RBM47: variants seen among roughly 807,000 people sequenced by gnomAD.
RBM47 encodes RNA binding motif protein 47.
RBM47 carries 21 observed loss-of-function variants against 47.1 expected under a neutral mutation model. That is an observed-to-expected ratio of 0.45 (90% CI 0.32 to 0.64). The LOEUF (loss-of-function observed/expected upper bound fraction) is 0.64, where lower values mean the gene tolerates loss of function less well. Ranked by LOEUF, RBM47 falls within the 30% of genes least tolerant of loss-of-function variation. RBM47 has a pLI of 0.05. For synonymous variants in RBM47, 375 were observed against 361.7 expected (o/e 1.04, Z -0.42); for missense variants, 708 against 870.9 (o/e 0.81, Z 2.35).
At chr4:40,437,090 A>AAAAAAAAAAAAAAAAAAT (rs1256296949) in intron 4 of RBM47, among the ~76,000 whole-genome samples, 1 of 49,804 alleles carries the variant, frequency 2.0e-5, no homozygotes, top group Non-Finnish European at 3.3e-5. Context: ...AAAAAAAAAA[A>AAAAAAAAAAAAAAAAAAT]ATATATATAT....
chr4:40,437,156 A>G (rs1343410420), intron 4 of RBM47, among the ~76,000 whole-genome samples: 3 of 38,034 alleles, frequency 7.9e-5, no homozygotes, highest in African/African-American at 1.5e-4. Flanking sequence ...TATATAAAAT[A>G]CATATATATA....
In RBM47 at chr4:40,574,362, C is replaced by G. The variant is rs150824055; in HGVS notation, c.-239-29856G>C. ...TTTTATTTGTTTGATTCCAGAGAACCTCAGGGGACACCCGACTGAGACAAA... is the reference window on the plus strand; with the variant it reads ...TTTTATTTGTTTGATTCCAGAGAACGTCAGGGGACACCCGACTGAGACAAA... On this transcript the variant is annotated intron_variant, in intron 1 of 6. Transcript: ENST00000295971. 2.9e-3 allele frequency among the ~76,000 whole-genome samples: 436 copies of G among 152,254 alleles called. 3 individuals are homozygous for G. The highest frequency in any genetic ancestry group is 9.9e-3 in the African/African-American group (410 of 41,540).
intron 1 of RBM47, among the ~76,000 whole-genome samples, chr4:40,555,478 T>C (rs1041844541): frequency 6.6e-6 from 1 of 152,242 alleles, no homozygotes; most frequent in African/African-American, 2.4e-5. Context: ...CAAGGAATAC[T>C]GCCTGAGATG....
intron 1 of RBM47, among the ~76,000 whole-genome samples, chr4:40,599,305 A>G (rs992292264): frequency 3.9e-5 from 6 of 152,112 alleles, no homozygotes; most frequent in African/African-American, 1.4e-4. Flanking sequence ...AAATGCCACA[A>G]AATAGAGAAA....
intron 2 of RBM47, among the ~76,000 whole-genome samples, chr4:40,473,563 A>C (rs1409781427): frequency 6.6e-6 from 1 of 152,232 alleles, no homozygotes; most frequent in Admixed American, 6.5e-5. Flanking sequence ...TAAACAGTAA[A>C]TGATATTCTC....
intron 2 of RBM47, among the ~76,000 whole-genome samples, chr4:40,523,245 G>A (rs1726375320): frequency 6.6e-6 from 1 of 151,874 alleles, no homozygotes; most frequent in African/African-American, 2.4e-5. Flanking sequence ...GGGATTATAG[G>A]AGTGAGCCAC....
chr4:40,496,329 A>AACACACAC (rs10597716), intron 2 of RBM47, among the ~76,000 whole-genome samples: 47 of 129,298 alleles, frequency 3.6e-4, no homozygotes, highest in South Asian at 1.0e-3. Context: ...GGAGAACTTA[A>AACACACAC]ACACACACAC....
At chr4:40,532,311 T>G (rs1422758314) in intron 2 of RBM47, among the ~76,000 whole-genome samples, 1 of 70,210 alleles carries the variant, frequency 1.4e-5, no homozygotes, top group Admixed American at 1.2e-4. Context: ...CGCCCGGCAT[T>G]TTTTTTTTTT....
intron 1 of RBM47, among the ~76,000 whole-genome samples, chr4:40,557,149 T>C (rs2154265641): frequency 6.6e-6 from 1 of 152,304 alleles, no homozygotes; most frequent in South Asian, 2.1e-4. Context: ...GTGTGCTTAC[T>C]TGGCTAAGTC....
At chr4:40,585,132 C>A (rs958544174) in intron 1 of RBM47, among the ~76,000 whole-genome samples, 1 of 152,204 alleles carries the variant, frequency 6.6e-6, no homozygotes, top group Non-Finnish European at 1.5e-5. Flanking sequence ...GACTGGACTA[C>A]TTAAAGTTTT....
In RBM47 at chr4:40,486,069, CAAAAAAAAAAAA is replaced by C. The variant is rs201408070; in HGVS notation, c.-154-19382_-154-19371del. Among the ~76,000 whole-genome samples, 111 of 62,834 alleles carry C rather than the reference CAAAAAAAAAAAA, an allele frequency of 1.8e-3. 2 individuals are homozygous for C. Among genetic ancestry groups the C allele is most frequent in the African/African-American group, 4.0e-3 (80 of 20,210 alleles). The allele number at this position is 62,834 out of a possible 152,430, so 41.2% of individuals were successfully genotyped here. ...TGGACAACAGAGCAAAACCCTGTTT[CAAAAAAAAAAAA>C]AAAAAAAAAAAAAAAAGAGCTTAGT... is the stretch of plus-strand genomic sequence containing the variant. On this transcript the variant is annotated intron_variant, in intron 2 of 6. Coordinates refer to ENST00000295971, the MANE Select transcript of RBM47 (RefSeq NM_001098634.2).
At chr4:40,438,990 G>T (rs1324525410) in intron 3 of RBM47, 66 bp from the exon 4 acceptor site, 5 of 1,364,636 alleles carry the variant, frequency 3.7e-6, no homozygotes, top group Non-Finnish European at 4.8e-6. Context: ...GTTGTGTTTC[G>T]CAGCCTTGCA....
chr4:40,454,654 C>T (rs1218801283), intron 3 of RBM47, among the ~76,000 whole-genome samples: 1 of 152,118 alleles, frequency 6.6e-6, no homozygotes, highest in South Asian at 2.1e-4. Context: ...TGCCGCCATG[C>T]CCGGGTAATT....
intron 1 of RBM47, among the ~76,000 whole-genome samples, chr4:40,549,612 T>C (rs1577936716): frequency 7.1e-6 from 1 of 140,794 alleles, no homozygotes; most frequent in South Asian, 2.4e-4. Context: ...AACCTACGCC[T>C]CCCGGGTTCA....
chr4:40,616,328 T>C (rs924707593), intron 1 of RBM47, among the ~76,000 whole-genome samples: 1 of 137,272 alleles, frequency 7.3e-6, no homozygotes, highest in African/African-American at 2.8e-5. Context: ...CACTCCAGCC[T>C]GGGCGACAGA....
rs138372368 is a variant in RBM47 at position 40,600,462 on chromosome 4, G to A, written c.-240+28934C>T. Among the ~76,000 whole-genome samples the A allele has an allele frequency of 4.1e-3, 617 of 150,350 alleles. 2 individuals are homozygous for A. The highest frequency in any genetic ancestry group is 0.014 in the African/African-American group (570 of 40,912). Reference sequence around the variant, plus strand: ...ATGCTGGCTAACGTGGTGAAACCCCGTCTCTACTAAAAATACAAAAAATTA... The same window carrying A: ...ATGCTGGCTAACGTGGTGAAACCCCATCTCTACTAAAAATACAAAAAATTA... On this transcript the variant is annotated intron_variant, in intron 1 of 6. Coordinates refer to ENST00000295971, the MANE Select transcript of RBM47 (RefSeq NM_001098634.2).
At chr4:40,444,408 C>A (rs10023957) in intron 3 of RBM47, among the ~76,000 whole-genome samples, 25,168 of 149,700 alleles carry the variant, frequency 0.17, 2,274 homozygotes, top group Middle Eastern at 0.23. Flanking sequence ...TGTATTGGAA[C>A]ACAACCCTAT....
chr4:40,547,066 T>G (rs778043571), intron 1 of RBM47, among the ~76,000 whole-genome samples: 2 of 152,326 alleles, frequency 1.3e-5, no homozygotes, highest in Non-Finnish European at 2.9e-5. Context: ...CCATCCAAAT[T>G]GTGCCTCAGT....
chr4:40,482,664 C>T (rs1720587908), intron 2 of RBM47, among the ~76,000 whole-genome samples: 1 of 152,198 alleles, frequency 6.6e-6, no homozygotes, highest in African/African-American at 2.4e-5. Context: ...AAAAGTAAAA[C>T]ACCTCTTTCC....
Sources: gnomAD v4.1 joint callset for allele counts (sites outside exome capture counted in the v4.1 genomes callset) on GRCh38, gnomAD v4.1.1 for gene constraint, MANE v1.5 for transcripts, NCBI Gene and HGNC (gene_info 2026-07-23, HGNC 2026-07-21) for gene names.